The following USP33 variants were observed in gnomAD, a reference collection of about 807,000 sequenced individuals.
USP33 encodes ubiquitin specific peptidase 33.
USP33 carries 46 observed loss-of-function variants against 124.2 expected under a neutral mutation model. The observed-to-expected ratio is 0.37, with a 90% CI of 0.29 to 0.47. USP33 has a LOEUF of 0.47. USP33 is among the 20% of genes least tolerant of loss of function. The probability of loss-of-function intolerance (pLI) is 0.99; values close to 1 mark genes in which losing one functional copy is unlikely to be tolerated. For missense variants in USP33, 851 were observed against 1,070.6 expected (o/e 0.79, Z 2.86); for synonymous variants, 350 against 352.3 (o/e 0.99, Z 0.07).
chr1:77,702,141 C>CAAAAAAAAAAAAAAAAAAAAAAAAAAAAA lies in USP33; in HGVS notation c.2407-699_2407-671dup, dbSNP rs58750531. ...TGGGTGACAGAACAAGACCCTGTCT[C>CAAAAAAAAAAAAAAAAAAAAAAAAAAAAA]AAAAAAAAAAAAAAAAAAAAAAAAA... is the stretch of plus-strand genomic sequence containing the variant. On this transcript the variant is annotated intron_variant, in intron 21 of 23. Transcript: ENST00000370794. Among the ~76,000 whole-genome samples the CAAAAAAAAAAAAAAAAAAAAAAAAAAAAA allele has an allele frequency of 1.0e-3, 16 of 15,782 alleles. 2 individuals carry two copies. The highest frequency in any genetic ancestry group is 1.9e-3 in the African/African-American group (15 of 7,802). 10.4% of individuals were successfully genotyped at this position (15,782 alleles called of 152,430 possible).
At chr1:77,718,175 T>C (rs771009376) in intron 16 of USP33, 128 bp from the exon 17 acceptor site, 18 of 825,900 alleles carry the variant, frequency 2.2e-5, no homozygotes, top group African/African-American at 3.5e-5. Flanking sequence ...ATTACAATTA[T>C]GAAGTTATTT....
chr1:77,722,337 C>G (rs1676660303), intron 12 of USP33, 141 bp from the exon 13 acceptor site: 2 of 780,416 alleles, frequency 2.6e-6, no homozygotes, highest in Non-Finnish European at 3.9e-6. Context: ...GCAAATTGAA[C>G]TGCTTTCATA....
At chr1:77,711,554 CACACACAA>C in intron 21 of USP33, 185 bp downstream of exon 21, 1 of 855,862 alleles carries the variant, frequency 1.2e-6, no homozygotes, top group Non-Finnish European at 1.7e-6. Flanking sequence ...CACACACACA[CACACACAA>C]AGGGAGAACA....
intron 4 of USP33, among the ~76,000 whole-genome samples, chr1:77,739,784 T>C (rs181722037): frequency 1.3e-5 from 2 of 152,284 alleles, no homozygotes; most frequent in African/African-American, 2.4e-5. Context: ...ACAAATGACA[T>C]GAGTCAAGGC....
At chr1:77,714,981 G>A in intron 18 of USP33, 198 bp from the exon 19 acceptor site, 2 of 519,222 alleles carry the variant, frequency 3.9e-6, no homozygotes, top group Non-Finnish European at 6.6e-6. Context: ...CTTACCTACA[G>A]GTATCCACAT....
chr1:77,738,331 CTGA>C (rs1411200190), intron 5 of USP33, among the ~76,000 whole-genome samples: 3 of 152,154 alleles, frequency 2.0e-5, no homozygotes, highest in Non-Finnish European at 4.4e-5. Context: ...TTCTGATCAA[CTGA>C]TGATCTGATT....
intron 9 of USP33, among the ~76,000 whole-genome samples, chr1:77,729,369 T>TAAA (rs1167126986): frequency 6.9e-5 from 8 of 115,470 alleles, no homozygotes; most frequent in African/African-American, 1.9e-4. Context: ...TTATCTCTCT[T>TAAA]AAAAAAAAAA....
At chr1:77,720,165 G>GAAAAAAAAAA (rs745681259) in intron 15 of USP33, among the ~76,000 whole-genome samples, 9 of 42,744 alleles carry the variant, frequency 2.1e-4, no homozygotes, top group Admixed American at 4.8e-4. Context: ...TGTCTCAAAT[G>GAAAAAAAAAA]AAAAAAAAAA....
chr1:77,751,008 G>A (rs935339776), intron 1 of USP33, among the ~76,000 whole-genome samples: 3 of 152,166 alleles, frequency 2.0e-5, no homozygotes, highest in African/African-American at 7.2e-5. Context: ...CACAGGAGAT[G>A]AGTATTAGAC....
chr1:77,711,626 A>G (rs1675273284), intron 21 of USP33, 121 bp downstream of exon 21: 1 of 1,487,712 alleles, frequency 6.7e-7, no homozygotes, highest in Admixed American at 2.4e-5. Context: ...TTATGCACCT[A>G]GAACACTTGA....
At chr1:77,749,335 T>C (rs917767473) in intron 1 of USP33, among the ~76,000 whole-genome samples, 1 of 152,146 alleles carries the variant, frequency 6.6e-6, no homozygotes, top group African/African-American at 2.4e-5. Flanking sequence ...TCCATTAATA[T>C]CCATATCCTA....
intron 1 of USP33, among the ~76,000 whole-genome samples, chr1:77,757,153 C>T (rs561791051): frequency 2.9e-4 from 44 of 152,312 alleles, no homozygotes; most frequent in African/African-American, 1.0e-3. Context: ...CAAATACTAC[C>T]TTCACCAAGC....
intron 10 of USP33, among the ~76,000 whole-genome samples, chr1:77,726,245 C>G (rs573866697): frequency 6.6e-6 from 1 of 152,020 alleles, no homozygotes; most frequent in Non-Finnish European, 1.5e-5. Context: ...CCACCGTGCC[C>G]AATCCCAACT....
chr1:77,700,786 C>T (rs375539597), intron 22 of USP33, among the ~76,000 whole-genome samples: 23 of 151,448 alleles, frequency 1.5e-4, no homozygotes, highest in Admixed American at 3.9e-4. Flanking sequence ...CTGCAGCCTC[C>T]GCCTCGTGGA....
chr1:77,711,529 AC>A, intron 21 of USP33: 1 of 1,226 alleles, frequency 8.2e-4, no homozygotes, highest in Non-Finnish European at 3.2e-3. Context: ...TTTGTCTCAT[AC>A]ACACACACAC....
chr1:77,710,089 C>T (rs913290889), intron 21 of USP33, among the ~76,000 whole-genome samples: 3 of 152,118 alleles, frequency 2.0e-5, no homozygotes, highest in African/African-American at 7.2e-5. Flanking sequence ...CATATGGAAC[C>T]AATCGCTCAC....
At chr1:77,712,619 T>C (rs2101275130) in intron 20 of USP33, among the ~76,000 whole-genome samples, 2 of 152,258 alleles carry the variant, frequency 1.3e-5, no homozygotes, top group South Asian at 4.1e-4. Context: ...GCCACATGGC[T>C]TGAGCCCAGG....
At chr1:77,742,328 G>C (rs1225481599) in intron 1 of USP33, among the ~76,000 whole-genome samples, 1 of 152,032 alleles carries the variant, frequency 6.6e-6, no homozygotes, top group East Asian at 1.9e-4. Context: ...TCGCTGTGAG[G>C]GATTGTCCTG....
chr1:77,714,849 T>C (rs777035488), intron 18 of USP33, 66 bp from the exon 19 acceptor site: 22 of 1,529,218 alleles, frequency 1.4e-5, no homozygotes, highest in Non-Finnish European at 2.0e-5. Context: ...GATGGATTTT[T>C]CTTCTTATTA....
Sources: gnomAD v4.1 joint callset for allele counts (sites outside exome capture counted in the v4.1 genomes callset) on GRCh38, gnomAD v4.1.1 for gene constraint, MANE v1.5 for transcripts, NCBI Gene and HGNC (gene_info 2026-07-23, HGNC 2026-07-21) for gene names.